Variants in SORBS2 observed in about 807,000 individuals in gnomAD.
The protein encoded by SORBS2 is sorbin and SH3 domain containing 2.
A neutral mutation model predicts 97.7 loss-of-function variants in SORBS2; 46 were observed. The observed-to-expected ratio is 0.47, with a 90% CI of 0.37 to 0.60. The LOEUF (loss-of-function observed/expected upper bound fraction) is 0.60. Among genes scored for constraint, SORBS2 ranks in the 20% least tolerant of loss-of-function variants. The probability of loss-of-function intolerance (pLI) is 0.00; values close to 1 mark genes in which losing one functional copy is unlikely to be tolerated. For missense variants in SORBS2, 1,316 were observed against 1,282.3 expected (o/e 1.03, Z -0.40); for synonymous variants, 476 against 473.4 (o/e 1.01, Z -0.07).
intron 13 of SORBS2, among the ~76,000 whole-genome samples, chr4:185,590,895 T>C (rs2095911338): frequency 6.6e-6 from 1 of 152,226 alleles, no homozygotes; most frequent in South Asian, 2.1e-4. Context: ...AATTTGTTTC[T>C]GCTGCTTTCT....
intron 4 of SORBS2, chr4:185,638,949 A>G: frequency 6.6e-7 from 1 of 1,522,842 alleles, no homozygotes; most frequent in South Asian, 1.2e-5. Flanking sequence ...GGGAGGGGCT[A>G]CCAGTGACTT....
rs181786129 is a variant in SORBS2 at position 185,833,815 on chromosome 4, A to G, written c.-337-58449T>C. Among the ~76,000 whole-genome samples, 185 of 152,334 alleles carry G rather than the reference A, an allele frequency of 1.2e-3. 1 individual carries two copies. Among genetic ancestry groups the G allele is most frequent in the African/African-American group, 4.2e-3 (175 of 41,568 alleles). On this transcript the variant is annotated intron_variant, in intron 1 of 20. Transcript: ENST00000284776. ...AAAAATGAAAATGTAATAAAATGCA[A>G]CACTACAATCATAGTGGAAATAATT... is the stretch of plus-strand genomic sequence containing the variant.
rs183044515 is a variant in SORBS2, at chr4:185,785,855, G to A, written c.-337-10489C>T. Among the ~76,000 whole-genome samples, 3 of 152,164 alleles carry A rather than the reference G, an allele frequency of 2.0e-5. No individual in the cohort carries two copies. In the East Asian group the frequency reaches 5.8e-4, roughly 29 times the overall value. ...TTAGCTCCCTGGTTTGGGCATAATC[G>A]TTGAGCCTCATTTTCCTCATCTGAG... On this transcript the variant is annotated intron_variant, in intron 1 of 20. Transcript: ENST00000284776.
At chr4:185,935,756 C>T (rs558729358) in intron 1 of SORBS2, among the ~76,000 whole-genome samples, 1 of 152,268 alleles carries the variant, frequency 6.6e-6, no homozygotes, top group East Asian at 1.9e-4. Flanking sequence ...CACCAATAAT[C>T]AATCAGAGCC....
chr4:185,804,256 C>A (rs979973738), intron 1 of SORBS2, among the ~76,000 whole-genome samples: 5 of 152,214 alleles, frequency 3.3e-5, no homozygotes, highest in African/African-American at 1.2e-4. Flanking sequence ...TTCAGCAGGT[C>A]CCTTTCCTTG....
intron 1 of SORBS2, among the ~76,000 whole-genome samples, chr4:185,801,904 C>T (rs1338302740): frequency 6.6e-6 from 1 of 152,142 alleles, no homozygotes; most frequent in African/African-American, 2.4e-5. Flanking sequence ...GCATACCTCC[C>T]AGGGCTGTTG....
chr4:185,745,231 C>G (rs2098752731), intron 2 of SORBS2, among the ~76,000 whole-genome samples: 1 of 152,064 alleles, frequency 6.6e-6, no homozygotes, highest in Admixed American at 6.5e-5. Context: ...TCAGTGGGGA[C>G]TAGGGAAGCA....
intron 4 of SORBS2, among the ~76,000 whole-genome samples, chr4:185,633,253 A>G (rs2096936295): frequency 6.6e-6 from 1 of 152,190 alleles, no homozygotes; most frequent in African/African-American, 2.4e-5. Context: ...ATGTCTAATC[A>G]ATTACATTTG....
chr4:185,836,331 G>A (rs534373623), intron 1 of SORBS2, among the ~76,000 whole-genome samples: 1 of 152,296 alleles, frequency 6.6e-6, no homozygotes, highest in East Asian at 1.9e-4. Flanking sequence ...TCTGCTCAAA[G>A]CAGCAGCTAC....
intron 1 of SORBS2, among the ~76,000 whole-genome samples, chr4:185,908,301 A>ATTTG (rs2099252534): frequency 1.9e-5 from 2 of 104,084 alleles, no homozygotes; most frequent in African/African-American, 6.0e-5. Flanking sequence ...ATATATATAT[A>ATTTG]TATATATATA....
At chr4:185,635,432 G>A (rs779689291) in intron 4 of SORBS2, 21 bp from the exon 16 acceptor site, 5 of 1,597,502 alleles carry the variant, frequency 3.1e-6, no homozygotes, top group Non-Finnish European at 4.3e-6. Flanking sequence ...ACGCACCACA[G>A]AAGCAGAAGT....
At chr4:185,629,086 C>T (rs1218303826) in intron 5 of SORBS2, among the ~76,000 whole-genome samples, 6 of 152,172 alleles carry the variant, frequency 3.9e-5, no homozygotes, top group Non-Finnish European at 5.9e-5. Context: ...CACAGCAAAC[C>T]GATGAGGTAT....
intron 2 of SORBS2, among the ~76,000 whole-genome samples, chr4:185,758,312 C>T (rs1319139321): frequency 6.6e-6 from 1 of 152,134 alleles, no homozygotes; most frequent in African/African-American, 2.4e-5. Context: ...ATATCTAAGC[C>T]ATCATCTTTC....
intron 2 of SORBS2, 103 bp downstream of exon 3, chr4:185,733,996 A>G (rs1002342450): frequency 1.3e-5 from 2 of 152,534 alleles, no homozygotes; most frequent in African/African-American, 4.8e-5. Flanking sequence ...TTCTTAACTT[A>G]CTGGGAAATC....
chr4:185,696,193 C>A (rs780066362), intron 2 of SORBS2, among the ~76,000 whole-genome samples: 5 of 152,060 alleles, frequency 3.3e-5, no homozygotes, highest in Non-Finnish European at 7.4e-5. Context: ...TTAATTAGAC[C>A]AAATGTCCTG....
At chr4:185,765,257 T>C (rs1584411974) in intron 2 of SORBS2, among the ~76,000 whole-genome samples, 1 of 152,206 alleles carries the variant, frequency 6.6e-6, no homozygotes, top group Non-Finnish European at 1.5e-5. Flanking sequence ...TATTTGGTTT[T>C]ACTAGTGAAT....
intron 1 of SORBS2, among the ~76,000 whole-genome samples, chr4:185,937,189 G>GAGTC (rs2099269352): frequency 6.6e-6 from 1 of 152,118 alleles, no homozygotes; most frequent in African/African-American, 2.4e-5. Context: ...GTGAGTGAGT[G>GAGTC]AGTGAGTGAG....
At chr4:185,864,589 A>G (rs1218585368) in intron 1 of SORBS2, among the ~76,000 whole-genome samples, 1 of 152,204 alleles carries the variant, frequency 6.6e-6, no homozygotes, top group Non-Finnish European at 1.5e-5. Flanking sequence ...ACAGTTTACT[A>G]AGAGAAAACG....
At chr4:185,685,527 T>C (rs1322390378) in intron 2 of SORBS2, among the ~76,000 whole-genome samples, 1 of 152,336 alleles carries the variant, frequency 6.6e-6, no homozygotes, top group Non-Finnish European at 1.5e-5. Context: ...ATATTGCTTT[T>C]ACTTTTTAAA....
Sources: allele counts gnomAD v4.1 joint callset (sites outside exome capture counted in the v4.1 genomes callset), GRCh38; gene constraint gnomAD v4.1.1; transcripts MANE v1.5; gene names NCBI Gene and HGNC (gene_info 2026-07-23, HGNC 2026-07-21).